Variants in EYS observed in about 807,000 individuals in gnomAD.
EYS encodes the protein EGF-like photoreceptor maintenance factor.
Under a neutral mutation model 282.1 loss-of-function variants are expected in EYS, and 250 were observed. The observed-to-expected ratio is 0.89, with a 90% confidence interval of 0.80 to 0.98. The LOEUF (loss-of-function observed/expected upper bound fraction) is 0.98, where lower values mean the gene tolerates loss of function less well. Ranked by LOEUF, EYS falls within the 50% of genes least tolerant of loss-of-function variation. EYS has a pLI of 0.00. For synonymous variants in EYS, 1,355 were observed against 1,282.9 expected, an observed-to-expected ratio of 1.06 and a Z score of -1.20; for missense variants, 4,016 against 3,709.0, an observed-to-expected ratio of 1.08 and a Z score of -2.15.
intron 12 of EYS, among the ~76,000 whole-genome samples, chr6:65,238,186 TA>T (rs1285231521): frequency 2.0e-5 from 3 of 151,310 alleles, no homozygotes; most frequent in South Asian, 4.1e-4. Flanking sequence ...ATTCCTGTTA[TA>T]TTTTTTACTC....
chr6:63,851,154 G>A (rs1231438055), intron 36 of EYS, among the ~76,000 whole-genome samples: 1 of 152,122 alleles, frequency 6.6e-6, no homozygotes, highest in Non-Finnish European at 1.5e-5. Context: ...CCCAATACAG[G>A]ATCATCCAGA....
intron 12 of EYS, among the ~76,000 whole-genome samples, chr6:65,215,543 A>G (rs1469384570): frequency 1.1e-4 from 17 of 152,334 alleles, no homozygotes; most frequent in Admixed American, 9.1e-4. Flanking sequence ...CATTGTTGAA[A>G]TAACAACAAA....
At chr6:65,359,592 C>A (rs367955408) in intron 8 of EYS, among the ~76,000 whole-genome samples, 13 of 151,892 alleles carry the variant, frequency 8.6e-5, no homozygotes, top group East Asian at 3.9e-4. Context: ...TGGCATATAC[C>A]TAGAATTACA....
intron 33 of EYS, among the ~76,000 whole-genome samples, chr6:64,021,139 C>A (rs2149819311): frequency 6.7e-6 from 1 of 149,476 alleles, no homozygotes; most frequent in Non-Finnish European, 1.5e-5. Context: ...AAATTCCTTG[C>A]AGTGATAGTT....
chr6:64,291,695 C>T (rs1351752904), intron 30 of EYS, among the ~76,000 whole-genome samples: 2 of 151,976 alleles, frequency 1.3e-5, no homozygotes, highest in African/African-American at 4.8e-5. Context: ...TGTATTTGTA[C>T]TCTGCTCTTA....
At chr6:65,238,637 T>G (rs1199929327) in intron 12 of EYS, among the ~76,000 whole-genome samples, 1 of 152,022 alleles carries the variant, frequency 6.6e-6, no homozygotes, top group African/African-American at 2.4e-5. Flanking sequence ...ATGTTGTTAT[T>G]GCTATTATGA....
At chr6:64,231,048 G>A (rs1030057987) in intron 30 of EYS, among the ~76,000 whole-genome samples, 6 of 151,966 alleles carry the variant, frequency 3.9e-5, no homozygotes, top group Admixed American at 1.3e-4. Context: ...AGTAAGAAAC[G>A]TGGAAGAAAT....
chr6:65,176,942 A>G (rs9453217), intron 12 of EYS, among the ~76,000 whole-genome samples: 4,054 of 151,758 alleles, frequency 0.027, 138 homozygotes, highest in African/African-American at 0.08. Flanking sequence ...TATGTTTTTC[A>G]TATGTCAGTT....
intron 12 of EYS, among the ~76,000 whole-genome samples, chr6:65,240,455 G>C (rs2150275404): frequency 6.6e-6 from 1 of 152,052 alleles, no homozygotes; most frequent in African/African-American, 2.4e-5. Flanking sequence ...CTCTCTAGTA[G>C]CTCCCTGTCT....
At chr6:64,817,713 C>T (rs568696345) in intron 21 of EYS, among the ~76,000 whole-genome samples, 1 of 152,224 alleles carries the variant, frequency 6.6e-6, no homozygotes, top group African/African-American at 2.4e-5. Context: ...ATTTGTTTTT[C>T]TGTTCCTGCA....
At chr6:64,550,395 C>A (rs924025303) in intron 26 of EYS, among the ~76,000 whole-genome samples, 6 of 152,088 alleles carry the variant, frequency 3.9e-5, no homozygotes, top group Admixed American at 2.0e-4. Context: ...CTCTCCAGCA[C>A]CTGTTGTTTC....
At chr6:65,209,294 G>C (rs560581) in intron 12 of EYS, among the ~76,000 whole-genome samples, 20,281 of 150,466 alleles carry the variant, frequency 0.13, 1,882 homozygotes, top group African/African-American at 0.27. Context: ...ATTTATTACT[G>C]GACTCTCAGT....
chr6:65,000,162 C>CTCCACATCCTGCCTGTCTATACGT (rs1175884280), intron 13 of EYS, among the ~76,000 whole-genome samples: 3 of 152,178 alleles, frequency 2.0e-5, no homozygotes, highest in Non-Finnish European at 4.4e-5. Flanking sequence ...GGAGTCAGAG[C>CTCCACATCCTGCCTGTCTATACGT]TCCACATCCT....
At chr6:63,818,491 A>G (rs1771238814) in intron 36 of EYS, among the ~76,000 whole-genome samples, 1 of 151,976 alleles carries the variant, frequency 6.6e-6, no homozygotes, top group African/African-American at 2.4e-5. Flanking sequence ...TAATTCTCTC[A>G]CCTTCAGTGT....
At chr6:64,211,944 C>T (rs1765793864) in intron 31 of EYS, among the ~76,000 whole-genome samples, 1 of 151,512 alleles carries the variant, frequency 6.6e-6, no homozygotes, top group African/African-American at 2.4e-5. Flanking sequence ...GGTAAAAACC[C>T]ATCTCTACTA....
chr6:64,122,464 C>T (rs74427464), intron 31 of EYS, among the ~76,000 whole-genome samples: 14,741 of 151,940 alleles, frequency 0.097, 1,227 homozygotes, highest in African/African-American at 0.23. Context: ...ATACCTAATA[C>T]GAATAAACAT....
intron 22 of EYS, among the ~76,000 whole-genome samples, chr6:64,732,780 A>G (rs965299400): frequency 5.9e-5 from 9 of 152,226 alleles, no homozygotes; most frequent in African/African-American, 2.2e-4. Context: ...AAGAGAGGCA[A>G]TCCCTACTTA....
intron 26 of EYS, among the ~76,000 whole-genome samples, chr6:64,492,890 T>C (rs918931732): frequency 1.3e-5 from 2 of 151,350 alleles, no homozygotes; most frequent in Non-Finnish European, 3.0e-5. Context: ...TTAAGCACAG[T>C]TCTAGAGGCT....
At chr6:65,202,486 C>T (rs958115981) in intron 12 of EYS, among the ~76,000 whole-genome samples, 12 of 152,182 alleles carry the variant, frequency 7.9e-5, no homozygotes, top group East Asian at 7.8e-4. Context: ...TGACCCCTAG[C>T]GGCTAGAGGA....
Sources: allele counts gnomAD v4.1 joint callset (sites outside exome capture counted in the v4.1 genomes callset), GRCh38; gene constraint gnomAD v4.1.1; transcripts MANE v1.5; gene names NCBI Gene and HGNC (gene_info 2026-07-23, HGNC 2026-07-21).